The following L2HGDH variants were observed in gnomAD, a reference collection of about 807,000 sequenced individuals.
L2HGDH encodes L-2-hydroxyglutarate dehydrogenase.
Under a neutral mutation model 51.5 loss-of-function variants are expected in L2HGDH, and 34 were observed. The observed-to-expected ratio is 0.66, with a 90% CI of 0.50 to 0.88. The LOEUF (loss-of-function observed/expected upper bound fraction) is 0.88, where lower values mean the gene tolerates loss of function less well. Among genes scored for constraint, L2HGDH ranks in the 40% least tolerant of loss-of-function variants. The pLI, the probability that L2HGDH is intolerant of heterozygous loss-of-function variation, is 0.00. For synonymous variants in L2HGDH, 198 were observed against 197.9 expected, an observed-to-expected ratio of 1.00 and a Z score of -0.01; for missense variants, 558 against 571.9, an observed-to-expected ratio of 0.98 and a Z score of 0.25.
In L2HGDH at chr14:50,311,930, G is replaced by A. The variant is rs2031229077; in HGVS notation, c.140+81C>T. ...CTCTCACCCCGGGACAGGGAAATAC[G>A]AACAGGGGCACAGGTCCACCACCAG... On this transcript the variant is annotated intron_variant, in intron 1 of 9. Transcript: ENST00000267436. The A allele has an allele frequency of 4.6e-6, 7 of 1,520,476 alleles. No homozygotes were observed. In the South Asian group the frequency reaches 8.4e-5, roughly 18 times the overall value. 94.2% of individuals were successfully genotyped at this position (1,520,476 alleles called of 1,614,324 possible). A position where few individuals can be genotyped will look rare whatever the true frequency, so the allele number is the denominator to read the frequency against.
intron 4 of L2HGDH, among the ~76,000 whole-genome samples, chr14:50,293,845 C>T (rs1250567330): frequency 6.6e-6 from 1 of 152,234 alleles, no homozygotes; most frequent in African/African-American, 2.4e-5. Flanking sequence ...CTCCCAACCA[C>T]ACCTCACTGC....
chr14:50,267,084 A>C lies in L2HGDH; in HGVS notation c.1064+669T>G, dbSNP rs1187778326. On this transcript the variant is annotated intron_variant, in intron 8 of 9. Coordinates refer to ENST00000267436, the MANE Select transcript of L2HGDH (RefSeq NM_024884.3). ...CCCCACCAAATAAAACTGGAAACTT[A>C]GCAATACAAGATTTGGATTGCCAGA... 2.0e-5 allele frequency among the ~76,000 whole-genome samples: 3 copies of C among 152,156 alleles called. No homozygotes were observed. The East Asian group carries it at 5.8e-4, about 29-fold the overall frequency.
chr14:50,300,584 C>T (rs2139209142), intron 3 of L2HGDH, among the ~76,000 whole-genome samples: 1 of 152,266 alleles, frequency 6.6e-6, no homozygotes. Flanking sequence ...CAGGCGTGAG[C>T]CACCCTGCCC....
At chr14:50,278,303 T>G (rs997865161) in intron 6 of L2HGDH, among the ~76,000 whole-genome samples, 1 of 152,220 alleles carries the variant, frequency 6.6e-6, no homozygotes, top group Non-Finnish European at 1.5e-5. Flanking sequence ...ATGCTTATAA[T>G]CCTGTTCTTT....
chr14:50,304,857 A>G (rs2139221226), intron 1 of L2HGDH, among the ~76,000 whole-genome samples: 1 of 152,222 alleles, frequency 6.6e-6, no homozygotes, highest in Non-Finnish European at 1.5e-5. Flanking sequence ...TAGAACAACC[A>G]TGTATAATTT....
intron 9 of L2HGDH, among the ~76,000 whole-genome samples, chr14:50,259,747 T>C (rs1297093486): frequency 6.6e-6 from 1 of 150,862 alleles, no homozygotes; most frequent in African/African-American, 2.4e-5. Context: ...GGCAGGAGAG[T>C]CACCTGAACC....
At chr14:50,249,882 C>CTTTTTTTTTTTT in intron 9 of L2HGDH, among the ~76,000 whole-genome samples, 1 of 68,956 alleles carries the variant, frequency 1.5e-5, no homozygotes, top group Non-Finnish European at 2.6e-5. Flanking sequence ...GCTTACACTC[C>CTTTTTTTTTTTT]TTTTTTTTTT....
At position 50,271,039 on chromosome 14, in the gene L2HGDH, C is replaced by G. The variant is rs146395581; in HGVS notation, c.739-1709G>C. On this transcript the variant is annotated intron_variant, in intron 6 of 9. Transcript: ENST00000267436. ...TCAAGATCTTGCTCCATTACCCAGG[C>G]TGGAGTGCGATGGCGCAGTCCTGGC... is the stretch of plus-strand genomic sequence containing the variant. Among the ~76,000 whole-genome samples, 458 of 152,288 alleles carry G rather than the reference C, an allele frequency of 3.0e-3. 2 individuals are homozygous for G. Among genetic ancestry groups the G allele is most frequent in the African/African-American group, 0.01 (422 of 41,568 alleles).
At chr14:50,270,518 T>C (rs1889613702) in intron 6 of L2HGDH, among the ~76,000 whole-genome samples, 1 of 150,028 alleles carries the variant, frequency 6.7e-6, no homozygotes. Context: ...TTGTTGTTGT[T>C]GTTTTGAGAC....
intron 1 of L2HGDH, among the ~76,000 whole-genome samples, chr14:50,307,824 A>T (rs1195851617): frequency 6.6e-6 from 1 of 152,238 alleles, no homozygotes; most frequent in Admixed American, 6.5e-5. Flanking sequence ...TAGTTAAAAA[A>T]ACTAACACAA....
intron 4 of L2HGDH, among the ~76,000 whole-genome samples, chr14:50,291,317 A>G (rs1018495961): frequency 6.6e-6 from 1 of 152,052 alleles, no homozygotes; most frequent in African/African-American, 2.4e-5. Flanking sequence ...GACTTTGACC[A>G]TTTAGAATTT....
intron 6 of L2HGDH, among the ~76,000 whole-genome samples, chr14:50,277,330 T>C (rs2140001995): frequency 6.6e-6 from 1 of 152,172 alleles, no homozygotes; most frequent in South Asian, 2.1e-4. Context: ...TATAAGGTTA[T>C]AAGGGGCGTG....
At chr14:50,269,933 C>T (rs527328982) in intron 6 of L2HGDH, among the ~76,000 whole-genome samples, 1 of 152,256 alleles carries the variant, frequency 6.6e-6, no homozygotes, top group East Asian at 1.9e-4. Flanking sequence ...GCACTGAAGT[C>T]GAAGGGCCTG....
At chr14:50,247,658 T>C (rs936404088) in intron 9 of L2HGDH, among the ~76,000 whole-genome samples, 1 of 152,196 alleles carries the variant, frequency 6.6e-6, no homozygotes, top group African/African-American at 2.4e-5. Flanking sequence ...TACAAATCAA[T>C]GAAAGCAGAG....
Position 50,246,808 on chromosome 14 carries a change from C to T in L2HGDH, c.*250G>A, listed in dbSNP as rs995923371. The T allele has an allele frequency of 1.5e-5, 7 of 462,476 alleles. No individual in the cohort carries two copies. Among genetic ancestry groups the T allele is most frequent in the Non-Finnish European group, 2.6e-5 (7 of 268,198 alleles). 28.6% of individuals were successfully genotyped at this position (462,476 alleles called of 1,614,324 possible). A position where few individuals can be genotyped will look rare whatever the true frequency, so the allele number is the denominator to read the frequency against. On this transcript the variant is annotated 3_prime_UTR_variant, in exon 10 of 10. Transcript: ENST00000267436. ...GCAATCTCAGCTCTCAGCTCACCTCCGTCTGCTCGGTTCAATTGATTCTCC... is the reference window on the plus strand; with the variant it reads ...GCAATCTCAGCTCTCAGCTCACCTCTGTCTGCTCGGTTCAATTGATTCTCC...
In L2HGDH at chr14:50,302,212, T is replaced by C. The variant is rs189517480; in HGVS notation, c.257-44A>G. 1.0e-3 allele frequency: 1,615 copies of C among 1,597,694 alleles called. 1 individual carries two copies. Among genetic ancestry groups the C allele is most frequent in the Non-Finnish European group, 1.3e-3 (1,494 of 1,165,494 alleles). On this transcript the variant is annotated intron_variant, in intron 2 of 9. Transcript: ENST00000267436. ...AGGGTAAGAGTAAGTACATGATTCATACAAAACATAAGAGGTAAGAGAACA... is the reference window on the plus strand; with the variant it reads ...AGGGTAAGAGTAAGTACATGATTCACACAAAACATAAGAGGTAAGAGAACA...
intron 3 of L2HGDH, 48 bp from the exon 4 acceptor site, chr14:50,294,294 T>A (rs746503349): frequency 6.3e-7 from 1 of 1,583,028 alleles, no homozygotes; most frequent in East Asian, 2.2e-5. Context: ...GAATGTATCA[T>A]CAGCGATGAA....
chr14:50,270,590 T>C (rs2139986279), intron 6 of L2HGDH, among the ~76,000 whole-genome samples: 1 of 152,118 alleles, frequency 6.6e-6, no homozygotes, highest in South Asian at 2.1e-4. Flanking sequence ...CACTGCAAGC[T>C]CCACCTCTTG....
At chr14:50,260,160 C>T (rs1888937917) in intron 9 of L2HGDH, among the ~76,000 whole-genome samples, 1 of 152,262 alleles carries the variant, frequency 6.6e-6, no homozygotes, top group South Asian at 2.1e-4. Context: ...TCCCACTCCC[C>T]ATCCCCAAGA....
Sources: gnomAD v4.1 joint callset for allele counts (sites outside exome capture counted in the v4.1 genomes callset) on GRCh38, gnomAD v4.1.1 for gene constraint, MANE v1.5 for transcripts, NCBI Gene and HGNC (gene_info 2026-07-23, HGNC 2026-07-21) for gene names.